Variants in NUP210 observed in about 807,000 individuals in gnomAD.
NUP210 encodes nuclear pore membrane glycoprotein 210.
A neutral mutation model predicts 196.0 loss-of-function variants in NUP210; 151 were observed. That is an observed-to-expected ratio of 0.77 (90% confidence interval 0.67 to 0.88). The LOEUF is 0.88. Ranked by LOEUF, NUP210 falls within the 40% of genes least tolerant of loss-of-function variation. The probability of loss-of-function intolerance (pLI) is 0.00; values close to 1 mark genes in which losing one functional copy is unlikely to be tolerated. For missense variants in NUP210, 2,314 were observed against 2,493.7 expected (o/e 0.93, Z 1.53); for synonymous variants, 1,070 against 1,052.7 (o/e 1.02, Z -0.32).
chr3:13,402,201 GCAAA>G (rs1185017892), intron 1 of NUP210, among the ~76,000 whole-genome samples: 1 of 152,018 alleles, frequency 6.6e-6, no homozygotes, highest in Non-Finnish European at 1.5e-5. Context: ...CCCGTCTCAA[GCAAA>G]CAAACAAGTA....
At chr3:13,320,695 A>C (rs2124825914) in intron 36 of NUP210, among the ~76,000 whole-genome samples, 1 of 149,110 alleles carries the variant, frequency 6.7e-6, no homozygotes, top group East Asian at 2.0e-4. Context: ...CAGGAGATCG[A>C]GACCATCCTG....
At chr3:13,376,540 GGGCCCCCTGGGGCTCA>G (rs1486837761) in intron 9 of NUP210, 109 bp from the exon 10 acceptor site, 3 of 1,205,830 alleles carry the variant, frequency 2.5e-6, no homozygotes, top group Non-Finnish European at 3.5e-6. Context: ...CCAGGCCAAG[GGGCCCCCTGGGGCTCA>G]GCAGCCTCCA....
chr3:13,318,746 C>T (rs772513041), intron 39 of NUP210, among the ~76,000 whole-genome samples: 9 of 152,326 alleles, frequency 5.9e-5, no homozygotes, highest in East Asian at 5.8e-4. Context: ...TGAGTCAGCT[C>T]GTCCAACCCC....
At chr3:13,404,227 T>C (rs1039933238) in intron 1 of NUP210, among the ~76,000 whole-genome samples, 1 of 152,136 alleles carries the variant, frequency 6.6e-6, no homozygotes, top group African/African-American at 2.4e-5. Flanking sequence ...CCACCCTGCC[T>C]TCCTCACAGG....
chr3:13,356,919 G>C, intron 16 of NUP210, among the ~76,000 whole-genome samples: 1 of 152,308 alleles, frequency 6.6e-6, no homozygotes, highest in Middle Eastern at 3.4e-3. Context: ...AAGGTGGCCC[G>C]CTCAGCTCAC....
At chr3:13,389,429 C>T (rs958762546) in intron 4 of NUP210, among the ~76,000 whole-genome samples, 1 of 152,214 alleles carries the variant, frequency 6.6e-6, no homozygotes, top group Non-Finnish European at 1.5e-5. Flanking sequence ...ACGGGATTCC[C>T]TCCAGCTCTG....
intron 30 of NUP210, among the ~76,000 whole-genome samples, chr3:13,329,609 G>T (rs1696915511): frequency 6.6e-6 from 1 of 152,230 alleles, no homozygotes; most frequent in South Asian, 2.1e-4. Flanking sequence ...TAGAGCGGGG[G>T]ATTTGCTGCC....
chr3:13,419,210 G>A (rs1409841777), intron 1 of NUP210, among the ~76,000 whole-genome samples: 2 of 152,216 alleles, frequency 1.3e-5, no homozygotes, highest in Non-Finnish European at 2.9e-5. Context: ...TGGGAAGGGC[G>A]GAAGCCCATC....
intron 1 of NUP210, among the ~76,000 whole-genome samples, chr3:13,412,848 G>A (rs1365403894): frequency 6.6e-6 from 1 of 151,458 alleles, no homozygotes; most frequent in South Asian, 2.1e-4. Flanking sequence ...GCGGGCACCT[G>A]TAGTCCCAGC....
chr3:13,320,915 C>T (rs1186602063), intron 36 of NUP210, among the ~76,000 whole-genome samples: 5 of 151,848 alleles, frequency 3.3e-5, no homozygotes, highest in African/African-American at 9.6e-5. Flanking sequence ...AAGGCTAAAC[C>T]AACATGAAGT....
intron 21 of NUP210, among the ~76,000 whole-genome samples, chr3:13,342,395 G>A (rs1697548578): frequency 6.6e-6 from 1 of 152,194 alleles, no homozygotes; most frequent in South Asian, 2.1e-4. Flanking sequence ...ACTTAGAACA[G>A]CAGCATCCAG....
At chr3:13,349,276 C>A (rs1697881543) in intron 20 of NUP210, among the ~76,000 whole-genome samples, 1 of 152,366 alleles carries the variant, frequency 6.6e-6, no homozygotes, top group East Asian at 1.9e-4. Flanking sequence ...TCCCTCACCC[C>A]CAGCTCTCGG....
At chr3:13,417,551 A>G (rs1700387594) in intron 1 of NUP210, among the ~76,000 whole-genome samples, 1 of 152,238 alleles carries the variant, frequency 6.6e-6, no homozygotes, top group African/African-American at 2.4e-5. Context: ...ATATGTCTAT[A>G]GGCCAGCTCT....
At chr3:13,334,885 C>A (rs1697145356) in intron 28 of NUP210, among the ~76,000 whole-genome samples, 1 of 152,342 alleles carries the variant, frequency 6.6e-6, no homozygotes, top group African/African-American at 2.4e-5. Context: ...CTCTCTGAGG[C>A]TGTTTTCCAA....
chr3:13,340,661 C>T lies in NUP210; in HGVS notation c.3229-363G>A, dbSNP rs1205965340. On this transcript the variant is annotated intron_variant, in intron 23 of 39. Coordinates refer to ENST00000254508, the MANE Select transcript of NUP210 (RefSeq NM_024923.4). The surrounding 1 kb of genome is among the most constrained non-coding windows in gnomAD (Gnocchi z 4.0). Reference sequence around the variant, plus strand: ...CACTAAGCAGCAATGTCAGCAGCGCCTGGGGACACATTAGCAATGTACAGC... The same window carrying T: ...CACTAAGCAGCAATGTCAGCAGCGCTTGGGGACACATTAGCAATGTACAGC... Among the ~76,000 whole-genome samples the T allele has an allele frequency of 6.6e-6, 1 of 152,212 alleles. No homozygotes were observed. Among genetic ancestry groups the T allele is most frequent in the Non-Finnish European group, 1.5e-5 (1 of 68,034 alleles).
rs1272293855 is a variant in NUP210 at position 13,347,853 on chromosome 3, G to A, written c.2835+4026C>T. Reference sequence around the variant, plus strand: ...TGGAAAATTCCTCCTGCAGGCTTCAGAAGAGACCAGAGGAACCAGGGCCTG... The same window carrying A: ...TGGAAAATTCCTCCTGCAGGCTTCAAAAGAGACCAGAGGAACCAGGGCCTG... On this transcript the variant is annotated intron_variant, in intron 20 of 39. Transcript: ENST00000254508. The surrounding 1 kb of genome is among the most constrained non-coding windows in gnomAD (Gnocchi z 4.7). 6.6e-6 allele frequency among the ~76,000 whole-genome samples: 1 copy of A among 152,228 alleles called. No homozygotes were observed. Among genetic ancestry groups the A allele is most frequent in the African/African-American group, 2.4e-5 (1 of 41,456 alleles).
At chr3:13,393,501 A>C (rs1418721305) in intron 3 of NUP210, among the ~76,000 whole-genome samples, 2 of 152,230 alleles carry the variant, frequency 1.3e-5, no homozygotes, top group Non-Finnish European at 2.9e-5. Context: ...CACAGGACCG[A>C]GTGCAGGATT....
chr3:13,413,808 A>G (rs1214178940), intron 1 of NUP210, among the ~76,000 whole-genome samples: 1 of 152,232 alleles, frequency 6.6e-6, no homozygotes, highest in Non-Finnish European at 1.5e-5. Flanking sequence ...TTCATGCCAC[A>G]GAACTCTACA....
intron 20 of NUP210, among the ~76,000 whole-genome samples, chr3:13,345,716 G>A (rs1049960166): frequency 3.3e-5 from 5 of 152,326 alleles, no homozygotes; most frequent in African/African-American, 9.6e-5. Context: ...TTTGTGACTG[G>A]AGCCATTGCC....
Sources: allele counts gnomAD v4.1 joint callset (sites outside exome capture counted in the v4.1 genomes callset), GRCh38; gene constraint gnomAD v4.1.1; non-coding constraint Gnocchi (gnomAD v3.1); transcripts MANE v1.5; gene names NCBI Gene and HGNC (gene_info 2026-07-23, HGNC 2026-07-21).